Variants in LRRC43 observed in about 807,000 individuals in gnomAD.
LRRC43 encodes the protein leucine-rich repeat-containing protein 43.
LRRC43 carries 62 observed loss-of-function variants against 64.3 expected under a neutral mutation model. That is an observed-to-expected ratio of 0.96 (90% CI 0.79 to 1.19). LRRC43 has a LOEUF of 1.19. LRRC43 is among the 50% of genes most tolerant of loss of function. LRRC43 has a pLI of 0.00. For missense variants in LRRC43, 868 were observed against 845.0 expected, an observed-to-expected ratio of 1.03 and a Z score of -0.34; for synonymous variants, 422 against 382.3, an observed-to-expected ratio of 1.10 and a Z score of -1.21.
chr12:122,202,629 G>C (rs1196584200), intron 11 of LRRC43, among the ~76,000 whole-genome samples: 4 of 152,074 alleles, frequency 2.6e-5, no homozygotes, highest in Admixed American at 2.6e-4. Context: ...CAAAGATCAC[G>C]TTCTTTACTA....
chr12:122,178,684 C>T (rs1420048463), upstream of LRRC43, among the ~76,000 whole-genome samples: 8 of 144,958 alleles, frequency 5.5e-5, no homozygotes, highest in East Asian at 2.1e-4. Flanking sequence ...CTCTGCCTCC[C>T]GGGTTCAAGC....
At chr12:122,188,162 A>G (rs1471858531) in intron 4 of LRRC43, among the ~76,000 whole-genome samples, 1 of 152,030 alleles carries the variant, frequency 6.6e-6, no homozygotes, top group East Asian at 1.9e-4. Context: ...GCTGGAGCGC[A>G]TTGGCGCCAT....
Position 122,200,625 on chromosome 12 carries a change from G to T in LRRC43, c.1585G>T (p.Asp529Tyr). The T allele has an allele frequency of 6.2e-7, 1 of 1,614,122 alleles. No individual in the cohort carries two copies. The highest frequency in any genetic ancestry group is 8.5e-7 in the Non-Finnish European group (1 of 1,179,986). ...GEKDKKGKEK[D>Y]RTGKGEKEPA... The stretch of plus-strand genomic sequence containing the variant: ...GAAAGACAAGAAAGGGAAGGAGAAA[G>T]ACAGGACGGGGAAAGGAGAGAAAGA... The change falls in exon 9 of 12, where the codon GAC becomes TAC. Residue 529 changes from aspartate to tyrosine, a missense_variant. Physicochemically the swap from Asp to Tyr is radical, Grantham distance 160. Transcript: ENST00000339777. This position sits in a 1 kb window ranked among gnomAD's most constrained non-coding sequence, Gnocchi z 4.6.
rs779923832 is a variant in LRRC43 at position 122,194,576 on chromosome 12, A to AAAAAG, written c.1349+1587_1349+1591dup. On this transcript the variant is annotated intron_variant, in intron 7 of 11. Transcript: ENST00000339777. ...AAAGAAGCTCCGTCTCAAAAAAAAA[A>AAAAAG]AAAAGAAAAGAAAAGAAAAAAGGAT... Among the ~76,000 whole-genome samples, 783 of 86,558 alleles carry AAAAAG rather than the reference A, an allele frequency of 9.0e-3. 5 individuals carry two copies. Among genetic ancestry groups the AAAAAG allele is most frequent in the African/African-American group, 0.027 (748 of 28,026 alleles). The allele number at this position is 86,558 out of a possible 152,430, so 56.8% of individuals were successfully genotyped here. A position where few individuals can be genotyped will look rare whatever the true frequency, so the allele number is the denominator to read the frequency against.
intron 5 of LRRC43, among the ~76,000 whole-genome samples, chr12:122,191,091 G>T (rs887851697): frequency 2.6e-5 from 4 of 152,220 alleles, no homozygotes; most frequent in African/African-American, 9.6e-5. Flanking sequence ...TGCACCGGAG[G>T]CTTCTCCAGG....
chr12:122,184,336 C>T lies in LRRC43; in HGVS notation c.151-183C>T, dbSNP rs1006918228. ...GCCTCGATCTCTTGACCTCATGATC[C>T]GCCTGCCTCAGCCTCCCAAAGTGCT... On this transcript the variant is annotated intron_variant, in intron 1 of 11. Coordinates refer to ENST00000339777, the MANE Select transcript of LRRC43 (RefSeq NM_001098519.2). The surrounding 1 kb of genome is among the most constrained non-coding windows in gnomAD (Gnocchi z 4.0). Among the ~76,000 whole-genome samples, 3 of 152,160 alleles carry T rather than the reference C, an allele frequency of 2.0e-5. No homozygotes were observed. Among genetic ancestry groups the T allele is most frequent in the East Asian group, 1.9e-4 (1 of 5,190 alleles).
upstream of LRRC43, among the ~76,000 whole-genome samples, chr12:122,179,133 C>T (rs1431804515): frequency 1.3e-5 from 2 of 152,068 alleles, no homozygotes; most frequent in Admixed American, 1.3e-4. Flanking sequence ...CTCAGTCTGT[C>T]ACCTAGGCTA....
At chr12:122,180,083 A>C (rs559062373), upstream of LRRC43, among the ~76,000 whole-genome samples, 4 of 152,310 alleles carry the variant, frequency 2.6e-5, no homozygotes, top group African/African-American at 9.6e-5. Flanking sequence ...GCATCATCAA[A>C]AGCCATGAAG....
At chr12:122,191,074 C>T (rs578234989) in intron 5 of LRRC43, among the ~76,000 whole-genome samples, 24 of 152,322 alleles carry the variant, frequency 1.6e-4, no homozygotes, top group South Asian at 4.1e-4. Flanking sequence ...TGGTTCATGC[C>T]GCAAGGTGCA....
intron 7 of LRRC43, among the ~76,000 whole-genome samples, chr12:122,193,774 G>A (rs1239213590): frequency 1.3e-5 from 2 of 152,160 alleles, no homozygotes; most frequent in Non-Finnish European, 2.9e-5. Flanking sequence ...TGACCAGGCT[G>A]GTCTTGAGCT....
upstream of LRRC43, among the ~76,000 whole-genome samples, chr12:122,180,738 C>A (rs11059505): frequency 1.3e-5 from 2 of 151,832 alleles, no homozygotes; most frequent in East Asian, 3.9e-4. Flanking sequence ...TGATTTGACA[C>A]AGTAGACGCC....
chr12:122,195,131 C>T (rs1468258958), intron 7 of LRRC43, among the ~76,000 whole-genome samples: 1 of 152,084 alleles, frequency 6.6e-6, no homozygotes, highest in Non-Finnish European at 1.5e-5. Flanking sequence ...GCAACAAAGT[C>T]AGTTTTTTCT....
At position 122,203,355 on chromosome 12, in the gene LRRC43, C is replaced by T. The variant is rs748002767; in HGVS notation, c.1884C>T (p.Tyr628=). The T allele has an allele frequency of 2.4e-5, 38 of 1,613,462 alleles. No individual in the cohort carries two copies. The East Asian group carries it at 7.8e-4, about 33-fold the overall frequency. The change falls in exon 12 of 12, where the codon TAC becomes TAT. Residue 628 remains tyrosine (Y), a synonymous_variant. Coordinates refer to ENST00000339777, the MANE Select transcript of LRRC43 (RefSeq NM_001098519.2). Reference sequence around the variant, plus strand: ...TGATTCCGATCTACGAAGGCGATTACCACCCTGAGCCCCTGACCGTAGAGG... The same window carrying T: ...TGATTCCGATCTACGAAGGCGATTATCACCCTGAGCCCCTGACCGTAGAGG... ...KAVIPIYEGD[Y]HPEPLTVEVQ... is the part of the protein sequence containing the mutation.
chr12:122,174,081 G>A, intron 1 of LRRC43: 13 of 1,613,824 alleles, frequency 8.1e-6, no homozygotes, highest in Non-Finnish European at 1.1e-5. Context: ...GCCAACCCTG[G>A]GGGTAGTGCT....
At chr12:122,188,354 G>A (rs1051258592) in intron 4 of LRRC43, among the ~76,000 whole-genome samples, 6 of 151,660 alleles carry the variant, frequency 4.0e-5, no homozygotes, top group Admixed American at 6.6e-5. Context: ...TGATCCGCCC[G>A]TCTCGGCCTC....
In LRRC43 at chr12:122,192,846, G is replaced by T; in HGVS notation, c.1191G>T (p.Glu397Asp). 6.2e-7 allele frequency: 1 copy of T among 1,614,172 alleles called. No individual in the cohort carries two copies. The highest frequency in any genetic ancestry group is 1.1e-5 in the South Asian group (1 of 91,086). Residue 397 changes from glutamate to aspartate, a missense_variant, in exon 7 of 12, where the codon GAG becomes GAT. By Grantham distance (45) the Glu-to-Asp change is conservative. Coordinates refer to ENST00000339777, the MANE Select transcript of LRRC43 (RefSeq NM_001098519.2). ...IEDIVEEVTE[E>D]VEGSLESEVE... ...ACATTGTTGAAGAGGTTACTGAAGA[G>T]GTCGAAGGGTCTCTGGAGTCTGAGG...
chr12:122,195,537 G>T (rs989449288), intron 7 of LRRC43, among the ~76,000 whole-genome samples: 1 of 152,124 alleles, frequency 6.6e-6, no homozygotes, highest in Admixed American at 6.5e-5. Context: ...CACCATGCCT[G>T]GCCTACCCTA....
upstream of LRRC43, among the ~76,000 whole-genome samples, chr12:122,179,463 C>T (rs1262836272): frequency 2.0e-5 from 3 of 152,248 alleles, no homozygotes; most frequent in South Asian, 2.1e-4. Flanking sequence ...TGAAGACACA[C>T]AGTAGGCTGT....
upstream of LRRC43, among the ~76,000 whole-genome samples, chr12:122,178,818 A>G (rs1387715074): frequency 6.6e-6 from 1 of 151,808 alleles, no homozygotes; most frequent in African/African-American, 2.4e-5. Flanking sequence ...CATGTTGGCC[A>G]GGCTGGTCTT....
Sources: gnomAD v4.1 joint callset for allele counts (sites outside exome capture counted in the v4.1 genomes callset) on GRCh38, gnomAD v4.1.1 for gene constraint, Gnocchi (gnomAD v3.1) non-coding constraint, MANE v1.5 for transcripts, NCBI Gene and HGNC (gene_info 2026-07-23, HGNC 2026-07-21) for gene names.